The following STK3 variants were observed in gnomAD, a reference collection of about 807,000 sequenced individuals.
STK3 encodes the protein serine/threonine-protein kinase 3.
STK3 carries 41 observed loss-of-function variants against 58.0 expected under a neutral mutation model. The observed-to-expected ratio is 0.71, with a 90% CI of 0.55 to 0.92. STK3 has a LOEUF of 0.92. Among genes scored for constraint, STK3 ranks in the 40% least tolerant of loss-of-function variants. The probability of loss-of-function intolerance (pLI) is 0.00; values close to 1 mark genes in which losing one functional copy is unlikely to be tolerated. For synonymous variants in STK3, 170 were observed against 191.0 expected (o/e 0.89, Z 0.91); for missense variants, 479 against 602.7 (o/e 0.79, Z 2.15).
chr8:98,359,422 C>T, the STK3 span, among the ~76,000 whole-genome samples: 2 of 145,760 alleles, frequency 1.4e-5, no homozygotes, highest in Non-Finnish European at 3.0e-5. Context: ...ACTTGGGAGG[C>T]TGAGGCGGGA....
Position 98,893,469 on chromosome 8 carries a change from A to T in STK3, c.-78-9635T>A, listed in dbSNP as rs1490763769. Among the ~76,000 whole-genome samples the T allele has an allele frequency of 3.4e-4, 33 of 97,146 alleles. 1 individual carries two copies. In the East Asian group the frequency reaches 6.8e-3, roughly 20 times the overall value. The allele number at this position is 97,146 out of a possible 152,430, so 63.7% of individuals were successfully genotyped here. ...AAGAAAGAAAGAAAGAAAGAAAGAAAGAAAGAAAGAAAGAAAGAGAAAGAA... is the reference window on the plus strand; with the variant it reads ...AAGAAAGAAAGAAAGAAAGAAAGAATGAAAGAAAGAAAGAAAGAGAAAGAA... On this transcript the variant is annotated intron_variant, in intron 1 of 1. Coordinates refer to the STK3 transcript ENST00000519420.
At chr8:98,655,305 C>T (rs191003617) in intron 6 of STK3, among the ~76,000 whole-genome samples, 6 of 152,244 alleles carry the variant, frequency 3.9e-5, no homozygotes, top group African/African-American at 1.4e-4. Flanking sequence ...AAACTGGATC[C>T]CTTCCTTACA....
intron 1 of STK3, among the ~76,000 whole-genome samples, chr8:98,903,208 C>T (rs1838725176): frequency 1.3e-5 from 2 of 152,144 alleles, no homozygotes; most frequent in South Asian, 4.1e-4. Flanking sequence ...ATTGAATGCA[C>T]TAAATGAAAA....
At chr8:98,631,944 C>T (rs1334667296) in intron 6 of STK3, among the ~76,000 whole-genome samples, 2 of 152,238 alleles carry the variant, frequency 1.3e-5, no homozygotes, top group East Asian at 1.9e-4. Flanking sequence ...GGATTACAGG[C>T]GTGGGCCACT....
chr8:98,777,741 C>T (rs1049852103), intron 1 of STK3, among the ~76,000 whole-genome samples: 1 of 152,038 alleles, frequency 6.6e-6, no homozygotes, highest in Non-Finnish European at 1.5e-5. Flanking sequence ...AGACGATTCT[C>T]GAGGAAACAT....
chr8:98,712,926 C>T (rs1399594628), intron 4 of STK3, among the ~76,000 whole-genome samples: 1 of 152,182 alleles, frequency 6.6e-6, no homozygotes, highest in African/African-American at 2.4e-5. Context: ...GAAATTATAA[C>T]AAACTGTCTC....
At chr8:98,907,588 T>C (rs1838967560) in intron 1 of STK3, among the ~76,000 whole-genome samples, 1 of 152,208 alleles carries the variant, frequency 6.6e-6, no homozygotes, top group South Asian at 2.1e-4. Context: ...TAATCCTCCA[T>C]GCCCTCCTTC....
At chr8:98,911,328 C>G (rs1839122645) in intron 1 of STK3, among the ~76,000 whole-genome samples, 1 of 152,156 alleles carries the variant, frequency 6.6e-6, no homozygotes, top group African/African-American at 2.4e-5. Context: ...AGCAGCCTCC[C>G]TTACAAAATT....
intron 3 of STK3, among the ~76,000 whole-genome samples, chr8:98,751,114 G>A (rs572765765): frequency 1.1e-4 from 17 of 152,170 alleles, no homozygotes; most frequent in African/African-American, 3.9e-4. Context: ...AAAATAATAA[G>A]AGCCATATAT....
chr8:98,729,171 C>T (rs879568146), intron 4 of STK3, among the ~76,000 whole-genome samples: 1 of 152,086 alleles, frequency 6.6e-6, no homozygotes, highest in Admixed American at 6.5e-5. Flanking sequence ...AGTGCAGTGG[C>T]GAGATCTAGG....
At chr8:98,683,750 G>A (rs1249489107) in intron 6 of STK3, among the ~76,000 whole-genome samples, 3 of 152,100 alleles carry the variant, frequency 2.0e-5, no homozygotes, top group African/African-American at 4.8e-5. Flanking sequence ...AAGATTACGG[G>A]AGGAAGACAT....
intron 10 of STK3, among the ~76,000 whole-genome samples, chr8:98,487,358 G>T (rs760280516): frequency 2.0e-5 from 3 of 152,188 alleles, no homozygotes; most frequent in Non-Finnish European, 2.9e-5. Context: ...CATACAATGT[G>T]CATGCACTTA....
chr8:98,613,569 C>T (rs1012699286), intron 6 of STK3, among the ~76,000 whole-genome samples: 2 of 151,516 alleles, frequency 1.3e-5, no homozygotes, highest in African/African-American at 4.8e-5. Flanking sequence ...AAAAGTTTTG[C>T]ATAGAAATAT....
chr8:98,585,731 T>A (rs1031235800), intron 7 of STK3, among the ~76,000 whole-genome samples: 3 of 152,162 alleles, frequency 2.0e-5, no homozygotes, highest in Non-Finnish European at 4.4e-5. Context: ...CCCATGAGCA[T>A]GGAATGTTCT....
At chr8:98,707,087 G>C in intron 5 of STK3, 60 bp downstream of exon 5, 1 of 1,497,754 alleles carries the variant, frequency 6.7e-7, no homozygotes, top group South Asian at 1.4e-5. Context: ...TTGAAGTTTA[G>C]TTATAATCAA....
At chr8:98,411,081 A>T (rs1818050835) in intron 3 of STK3, among the ~76,000 whole-genome samples, 1 of 152,236 alleles carries the variant, frequency 6.6e-6, no homozygotes, top group Admixed American at 6.5e-5. Flanking sequence ...CCATTTGTAC[A>T]CGCCTACTAA....
At chr8:98,678,668 A>C (rs1400700796) in intron 6 of STK3, among the ~76,000 whole-genome samples, 1 of 152,184 alleles carries the variant, frequency 6.6e-6, no homozygotes, top group African/African-American at 2.4e-5. Flanking sequence ...GAAAGTTATA[A>C]AACAATGTAA....
rs531386420 is a variant in STK3 at position 98,456,438 on chromosome 8, G to A, written c.1318-438C>T. On this transcript the variant is annotated intron_variant, in intron 10 of 10. Transcript: ENST00000419617. ...GATCACTCAAGAATGTGACAAGACT[G>A]AATAAAGGTTAAATTAACCATTCTA... Among the ~76,000 whole-genome samples the A allele has an allele frequency of 2.3e-4, 35 of 152,288 alleles. No individual in the cohort carries two copies. The East Asian group carries it at 5.8e-3, about 25-fold the overall frequency.
At chr8:98,420,478 A>C (rs1818158760) in intron 3 of STK3, among the ~76,000 whole-genome samples, 1 of 152,154 alleles carries the variant, frequency 6.6e-6, no homozygotes, top group Non-Finnish European at 1.5e-5. Flanking sequence ...TATAGAAAAA[A>C]ATTTCTAGGA....
Sources: allele counts gnomAD v4.1 joint callset (sites outside exome capture counted in the v4.1 genomes callset), GRCh38; gene constraint gnomAD v4.1.1; transcripts MANE v1.5; gene names NCBI Gene and HGNC (gene_info 2026-07-23, HGNC 2026-07-21).